TFDP2: variants seen among roughly 807,000 people sequenced by gnomAD.
TFDP2 encodes the protein transcription factor Dp-2, also known as transcription factor Dp-2 (E2F dimerization partner 2).
Under a neutral mutation model 59.3 loss-of-function variants are expected in TFDP2, and 17 were observed. The observed-to-expected ratio is 0.29, with a 90% CI of 0.20 to 0.43. The LOEUF (loss-of-function observed/expected upper bound fraction) is 0.43. TFDP2 is among the 20% of genes least tolerant of loss of function. The pLI, the probability that TFDP2 is intolerant of heterozygous loss-of-function variation, is 1.00. For synonymous variants in TFDP2, 180 were observed against 194.7 expected (o/e 0.92, Z 0.63); for missense variants, 391 against 528.8 (o/e 0.74, Z 2.56).
intron 11 of TFDP2, among the ~76,000 whole-genome samples, chr3:141,956,217 T>C (rs1250448530): frequency 6.6e-6 from 1 of 152,210 alleles, no homozygotes; most frequent in Non-Finnish European, 1.5e-5. Context: ...ATGTAAAACA[T>C]AGTGCTTCTG....
chr3:141,956,426 C>T (rs1350635622), intron 11 of TFDP2, among the ~76,000 whole-genome samples: 1 of 151,942 alleles, frequency 6.6e-6, no homozygotes, highest in Non-Finnish European at 1.5e-5. Flanking sequence ...GTGGTGGGCG[C>T]CTGTAATTCC....
intron 1 of TFDP2, among the ~76,000 whole-genome samples, chr3:142,145,059 A>G (rs556192185): frequency 6.6e-6 from 1 of 152,320 alleles, no homozygotes; most frequent in Admixed American, 6.5e-5. Flanking sequence ...AGGCATTTTT[A>G]TTAAGAAAAA....
chr3:141,974,043 C>CTTA lies in TFDP2; in HGVS notation c.663+2_663+4dup. The CTTA allele has an allele frequency of 6.2e-7, 1 of 1,607,638 alleles. No individual in the cohort carries two copies. Among genetic ancestry groups the CTTA allele is most frequent in the Non-Finnish European group, 8.5e-7 (1 of 1,178,238 alleles). ...AGCTATTCATAAACAGATTTTCTCA[C>CTTA]TTACCTCCAGATTCTGACATTCCTG... is the stretch of plus-strand genomic sequence containing the variant. On this transcript the variant is annotated splice_donor_region_variant and intron_variant, in intron 8 of 12. Transcript: ENST00000489671.
At chr3:142,120,623 TC>T (rs2062015791) in intron 1 of TFDP2, among the ~76,000 whole-genome samples, 1 of 152,190 alleles carries the variant, frequency 6.6e-6, no homozygotes, top group African/African-American at 2.4e-5. Context: ...TGTCAAACTC[TC>T]CATATAGCTA....
chr3:141,952,896 G>T lies in TFDP2; in HGVS notation c.1157+15C>A, dbSNP rs764044946. 11 of 1,612,186 alleles carry T rather than the reference G, an allele frequency of 6.8e-6. No individual in the cohort carries two copies. The highest frequency in any genetic ancestry group is 3.3e-5 in the Admixed American group (2 of 59,998). On this transcript the variant is annotated intron_variant, in intron 12 of 12. Coordinates refer to ENST00000489671, the MANE Select transcript of TFDP2 (RefSeq NM_001178139.2). The stretch of plus-strand genomic sequence containing the variant: ...CTCTGGGGTTTGCCTTTCTAACCCT[G>T]AAAAAAATACGTACCTTGACTGGGG...
intron 11 of TFDP2, among the ~76,000 whole-genome samples, chr3:141,955,391 T>A (rs1156747581): frequency 6.6e-6 from 1 of 152,106 alleles, no homozygotes; most frequent in Non-Finnish European, 1.5e-5. Flanking sequence ...TCACTGGGAG[T>A]AAGCTAAAAT....
rs1182981105 is a variant in TFDP2, at chr3:142,132,762, G to C, written c.-93+16421C>G. On this transcript the variant is annotated intron_variant, in intron 1 of 12. Coordinates refer to ENST00000489671, the MANE Select transcript of TFDP2 (RefSeq NM_001178139.2). ...GCTATCTCAAAAAAAAAAAAAAAAG[G>C]ATATTATGACATGTGAATTGTATCT... 2.1e-5 allele frequency among the ~76,000 whole-genome samples: 3 copies of C among 143,340 alleles called. 1 individual carries two copies. The highest frequency in any genetic ancestry group is 8.1e-5 in the African/African-American group (3 of 37,106). The allele number at this position is 143,340 out of a possible 152,430, so 94.0% of individuals were successfully genotyped here.
intron 3 of TFDP2, among the ~76,000 whole-genome samples, chr3:142,083,913 C>T (rs1384454277): frequency 6.6e-6 from 1 of 152,098 alleles, no homozygotes; most frequent in Non-Finnish European, 1.5e-5. Context: ...ACAAGAAAAC[C>T]TTGGGGAAAA....
intron 11 of TFDP2, 51 bp downstream of exon 11, chr3:141,959,619 AGTTT>A: frequency 6.4e-7 from 1 of 1,574,092 alleles, no homozygotes; most frequent in Admixed American, 1.9e-5. Context: ...GGTTTTAACA[AGTTT>A]GGATTCAACA....
intron 3 of TFDP2, among the ~76,000 whole-genome samples, chr3:142,052,889 A>C (rs547128620): frequency 1.3e-5 from 2 of 151,844 alleles, no homozygotes; most frequent in South Asian, 4.2e-4. Context: ...AGCTCACTGC[A>C]AGCTTTGCCT....
chr3:141,977,203 G>A lies in TFDP2; in HGVS notation c.519+1317C>T, dbSNP rs545591353. 9.0e-5 allele frequency among the ~76,000 whole-genome samples: 13 copies of A among 144,792 alleles called. No homozygotes were observed. In the South Asian group the frequency reaches 2.4e-3, roughly 26 times the overall value. 95.0% of individuals were successfully genotyped at this position (144,792 alleles called of 152,430 possible). A position where few individuals can be genotyped will look rare whatever the true frequency, so the allele number is the denominator to read the frequency against. On this transcript the variant is annotated intron_variant, in intron 7 of 12. Transcript: ENST00000489671. Reference sequence around the variant, plus strand: ...GGCATGATTGAATTCCTGGGCTCAAGCAATCCTCCTCAGCCTCTGGAGTAG... The same window carrying A: ...GGCATGATTGAATTCCTGGGCTCAAACAATCCTCCTCAGCCTCTGGAGTAG...
chr3:141,981,400 T>C (rs1037039364), intron 6 of TFDP2, among the ~76,000 whole-genome samples: 4 of 152,180 alleles, frequency 2.6e-5, no homozygotes, highest in African/African-American at 9.7e-5. Flanking sequence ...ACATAGCCCC[T>C]CATTAAGTGA....
intron 1 of TFDP2, among the ~76,000 whole-genome samples, chr3:142,143,622 T>A (rs916966199): frequency 2.0e-5 from 3 of 152,106 alleles, no homozygotes; most frequent in Non-Finnish European, 4.4e-5. Flanking sequence ...ATAGAAGACA[T>A]ACAAATGGCA....
chr3:142,008,446 A>G (rs1282021822), intron 3 of TFDP2, among the ~76,000 whole-genome samples: 1 of 152,032 alleles, frequency 6.6e-6, no homozygotes, highest in Non-Finnish European at 1.5e-5. Flanking sequence ...CTCCTTTCAC[A>G]GTTTCATCTT....
chr3:142,141,633 G>A (rs1012722757), intron 1 of TFDP2, among the ~76,000 whole-genome samples: 1 of 152,072 alleles, frequency 6.6e-6, no homozygotes, highest in African/African-American at 2.4e-5. Flanking sequence ...GACTAGCCTG[G>A]CTAACATGGC....
intron 3 of TFDP2, among the ~76,000 whole-genome samples, chr3:142,007,054 G>A (rs576902137): frequency 2.6e-5 from 4 of 152,268 alleles, no homozygotes; most frequent in South Asian, 4.1e-4. Context: ...GATTACAGGC[G>A]TGAGCCACCA....
At chr3:142,006,889 G>A (rs34579489) in intron 3 of TFDP2, among the ~76,000 whole-genome samples, 18,644 of 151,924 alleles carry the variant, frequency 0.12, 1,410 homozygotes, top group East Asian at 0.18. Context: ...TGGTTCTCTC[G>A]TCTCAGCCTC....
intron 2 of TFDP2, among the ~76,000 whole-genome samples, chr3:142,094,946 A>G (rs1010338380): frequency 2.6e-5 from 4 of 152,318 alleles, no homozygotes; most frequent in Admixed American, 1.3e-4. Context: ...TTATAACTTT[A>G]TAACTATCCA....
chr3:142,024,493 A>T (rs1945907796), intron 3 of TFDP2, among the ~76,000 whole-genome samples: 2 of 151,660 alleles, frequency 1.3e-5, no homozygotes, highest in Admixed American at 1.3e-4. Flanking sequence ...CTCCCCTCTT[A>T]CTCCACTCCA....
Sources: gnomAD v4.1 joint callset for allele counts (sites outside exome capture counted in the v4.1 genomes callset) on GRCh38, gnomAD v4.1.1 for gene constraint, MANE v1.5 for transcripts, NCBI Gene and HGNC (gene_info 2026-07-23, HGNC 2026-07-21) for gene names.